The following ARID4A variants were observed in gnomAD, a reference collection of about 807,000 sequenced individuals.
ARID4A encodes AT-rich interactive domain-containing protein 4A.
In ARID4A, 39 loss-of-function variants were observed where a neutral mutation model predicts 148.6. The ratio of observed to expected loss-of-function variants is 0.26; its 90% CI spans 0.20 to 0.34. The LOEUF (loss-of-function observed/expected upper bound fraction) is 0.34, where lower values mean the gene tolerates loss of function less well. Ranked by LOEUF, ARID4A falls within the 10% of genes least tolerant of loss-of-function variation. The pLI is 1.00. For missense variants in ARID4A, 1,265 were observed against 1,449.1 expected (o/e 0.87, Z 2.06); for synonymous variants, 475 against 481.2 (o/e 0.99, Z 0.17).
chr14:58,304,898 T>A, intron 3 of ARID4A, 46 bp from the exon 4 acceptor site: 1 of 1,459,268 alleles, frequency 6.9e-7, no homozygotes, highest in Non-Finnish European at 9.6e-7. Context: ...ATAAATGTAT[T>A]TGTTTTAAAA....
chr14:58,311,013 A>G (rs1462053052), intron 5 of ARID4A, among the ~76,000 whole-genome samples: 2 of 152,202 alleles, frequency 1.3e-5, no homozygotes, highest in Non-Finnish European at 2.9e-5. Flanking sequence ...TGGGAGGCCG[A>G]GACAGGTGGT....
rs541323445 is a variant in ARID4A, at chr14:58,322,457, T to C, written c.450-1028T>C. On this transcript the variant is annotated intron_variant, in intron 7 of 23. Coordinates refer to ENST00000355431, the MANE Select transcript of ARID4A (RefSeq NM_002892.4). Reference sequence around the variant, plus strand: ...TCTCAGAGTGCAGCAGATTGGAAGATGTGTCAAAAGGAAATACAGGAAAGA... The same window carrying C: ...TCTCAGAGTGCAGCAGATTGGAAGACGTGTCAAAAGGAAATACAGGAAAGA... Among the ~76,000 whole-genome samples, 68 of 152,148 alleles carry C rather than the reference T, an allele frequency of 4.5e-4. No homozygotes were observed. In the South Asian group the frequency reaches 7.5e-3, roughly 17 times the overall value.
intron 3 of ARID4A, chr14:58,303,821 G>GT (rs1430886560): frequency 5.1e-6 from 1 of 194,688 alleles, no homozygotes; most frequent in African/African-American, 2.3e-5. Flanking sequence ...CATGTTAAAA[G>GT]TTTAAGAATC....
intron 11 of ARID4A, among the ~76,000 whole-genome samples, chr14:58,330,454 A>C (rs2033459757): frequency 6.6e-6 from 1 of 152,162 alleles, no homozygotes; most frequent in African/African-American, 2.4e-5. Context: ...AGGAGGGAAA[A>C]AAATGTAATT....
chr14:58,329,982 G>A, intron 10 of ARID4A, 21 bp from the exon 11 acceptor site: 1 of 1,590,118 alleles, frequency 6.3e-7, no homozygotes, highest in Non-Finnish European at 8.5e-7. Flanking sequence ...AGCAACTGCT[G>A]AAGTACATTT....
intron 3 of ARID4A, among the ~76,000 whole-genome samples, chr14:58,302,910 T>C (rs2031297625): frequency 6.6e-6 from 1 of 151,558 alleles, no homozygotes; most frequent in African/African-American, 2.4e-5. Flanking sequence ...CAGTGAGCTG[T>C]GATTGTGCCA....
chr14:58,369,261 A>T (rs1374975436), intron 23 of ARID4A, among the ~76,000 whole-genome samples: 3 of 152,212 alleles, frequency 2.0e-5, no homozygotes, highest in African/African-American at 7.2e-5. Flanking sequence ...AAAAGGACTC[A>T]CTGTGCCCTC....
chr14:58,333,173 T>C (rs1260476754), intron 11 of ARID4A, among the ~76,000 whole-genome samples: 2 of 152,136 alleles, frequency 1.3e-5, no homozygotes, highest in African/African-American at 2.4e-5. Context: ...TTTATCTATA[T>C]TGATTACTTT....
At chr14:58,352,735 G>A (rs1018046258) in intron 16 of ARID4A, among the ~76,000 whole-genome samples, 1 of 152,106 alleles carries the variant, frequency 6.6e-6, no homozygotes, top group African/African-American at 2.4e-5. Flanking sequence ...ATTTATTACA[G>A]AGCCCAGTAG....
chr14:58,324,387 T>G (rs943752778), intron 8 of ARID4A, among the ~76,000 whole-genome samples: 2 of 152,204 alleles, frequency 1.3e-5, no homozygotes, highest in Non-Finnish European at 2.9e-5. Context: ...GCGTTCCTCC[T>G]GTTTCAGCCT....
At chr14:58,347,294 A>G (rs2034421584) in intron 14 of ARID4A, among the ~76,000 whole-genome samples, 177 bp downstream of exon 14, 1 of 152,128 alleles carries the variant, frequency 6.6e-6, no homozygotes, top group African/African-American at 2.4e-5. Context: ...AATCTGCTTT[A>G]CTCCATTTCT....
At chr14:58,309,394 T>C (rs1255695791) in intron 5 of ARID4A, among the ~76,000 whole-genome samples, 1 of 152,228 alleles carries the variant, frequency 6.6e-6, no homozygotes, top group East Asian at 1.9e-4. Flanking sequence ...AGTTTACTCA[T>C]TGATAGTTGT....
intron 17 of ARID4A, among the ~76,000 whole-genome samples, chr14:58,358,613 C>G (rs918212650): frequency 6.6e-6 from 1 of 151,796 alleles, no homozygotes; most frequent in Non-Finnish European, 1.5e-5. Context: ...TTTCAGAATC[C>G]TAAAGGCAAT....
intron 7 of ARID4A, among the ~76,000 whole-genome samples, chr14:58,320,022 A>G (rs1170694980): frequency 7.4e-6 from 1 of 135,252 alleles, no homozygotes; most frequent in Admixed American, 8.6e-5. Flanking sequence ...ATCTCAGCTT[A>G]TTGCAGCCTC....
intron 8 of ARID4A, among the ~76,000 whole-genome samples, 179 bp from the exon 9 acceptor site, chr14:58,328,058 A>G (rs1017086729): frequency 2.0e-5 from 3 of 152,362 alleles, no homozygotes; most frequent in Admixed American, 2.0e-4. Flanking sequence ...GACAAAACAT[A>G]TAAGGGTATA....
At chr14:58,350,833 C>A (rs963034105) in intron 15 of ARID4A, among the ~76,000 whole-genome samples, 2 of 151,942 alleles carry the variant, frequency 1.3e-5, no homozygotes, top group African/African-American at 4.8e-5. Flanking sequence ...TTCATTCAAA[C>A]AGATTCTGAC....
intron 9 of ARID4A, among the ~76,000 whole-genome samples, chr14:58,328,947 C>G (rs911462609): frequency 2.6e-5 from 4 of 150,946 alleles, no homozygotes; most frequent in Non-Finnish European, 5.9e-5. Flanking sequence ...GAGCCGAGAT[C>G]GCGCCACTGC....
intron 5 of ARID4A, among the ~76,000 whole-genome samples, chr14:58,308,003 C>CG (rs10655729): frequency 0.73 from 110,186 of 151,432 alleles, 40,620 homozygotes; most frequent in Middle Eastern, 0.87. Context: ...GTTGTACTCA[C>CG]TTTGAAGCTT....
In ARID4A at chr14:58,364,763, T is replaced by A; in HGVS notation, c.2674T>A (p.Ser892Thr). 6.2e-7 allele frequency: 1 copy of A among 1,614,076 alleles called. No homozygotes were observed. Among genetic ancestry groups the A allele is most frequent in the Non-Finnish European group, 8.5e-7 (1 of 1,179,994 alleles). The part of the protein sequence containing the change: ...SQERTSDCIG[S>T]EGMKNLNFEQ... The stretch of plus-strand genomic sequence containing the variant: ...AGAAAGGACCAGTGATTGTATTGGA[T>A]CTGAGGGAATGAAAAACTTAAATTT... The change falls in exon 20 of 24, where the codon TCT becomes ACT. Residue 892 changes from serine to threonine, a missense_variant. Physicochemically the swap from Ser to Thr is moderately conservative, Grantham distance 58. Transcript: ENST00000355431.
Sources: gnomAD v4.1 joint callset for allele counts (sites outside exome capture counted in the v4.1 genomes callset) on GRCh38, gnomAD v4.1.1 for gene constraint, MANE v1.5 for transcripts, NCBI Gene and HGNC (gene_info 2026-07-23, HGNC 2026-07-21) for gene names.